KIF23: variants seen among roughly 807,000 people sequenced by gnomAD.
KIF23 encodes kinesin family member 23.
KIF23 carries 30 observed loss-of-function variants against 137.5 expected under a neutral mutation model. The observed-to-expected ratio is 0.22, with a 90% CI of 0.16 to 0.30. The LOEUF is 0.30. Ranked by LOEUF, KIF23 falls within the 10% of genes least tolerant of loss-of-function variation. The pLI, the probability that KIF23 is intolerant of heterozygous loss-of-function variation, is 1.00. For missense variants in KIF23, 920 were observed against 1,194.3 expected (o/e 0.77, Z 3.38); for synonymous variants, 367 against 391.1 (o/e 0.94, Z 0.73).
At chr15:69,417,636 A>G in intron 3 of KIF23, 125 bp downstream of exon 3, 2 of 1,025,166 alleles carry the variant, frequency 2.0e-6, no homozygotes, top group South Asian at 1.6e-5. Flanking sequence ...TTACTTCATT[A>G]TAACCACTGT....
intron 3 of KIF23, 85 bp from the exon 4 acceptor site, chr15:69,421,562 A>C: frequency 1.2e-6 from 1 of 830,378 alleles, no homozygotes; most frequent in Non-Finnish European, 2.0e-6. Flanking sequence ...CTTAAATGTC[A>C]TAAACACCTT....
intron 18 of KIF23, 62 bp downstream of exon 18, chr15:69,440,549 CTA>C: frequency 5.7e-6 from 8 of 1,411,158 alleles, no homozygotes; most frequent in Non-Finnish European, 7.7e-6. Context: ...GATTAGATGA[CTA>C]TTTCTATGAG....
intron 3 of KIF23, among the ~76,000 whole-genome samples, chr15:69,419,645 T>G (rs1285553165): frequency 6.6e-6 from 1 of 152,222 alleles, no homozygotes; most frequent in Non-Finnish European, 1.5e-5. Context: ...TTTACATTAC[T>G]TAACCACAAT....
intron 1 of KIF23, 143 bp downstream of exon 1, chr15:69,414,619 C>T: frequency 1.1e-6 from 1 of 942,182 alleles, no homozygotes; most frequent in Non-Finnish European, 1.4e-6. Flanking sequence ...GGCCGCGACC[C>T]CAAAGTGGGA....
At chr15:69,438,811 A>C (rs2057543721) in intron 16 of KIF23, among the ~76,000 whole-genome samples, 1 of 151,920 alleles carries the variant, frequency 6.6e-6, no homozygotes, top group Non-Finnish European at 1.5e-5. Context: ...CAAAAAAAAA[A>C]AGAGTTCTCA....
In KIF23 at chr15:69,417,379, T is replaced by C; in HGVS notation, c.82-4T>C. ...CTTCTTAAAGCACCTTCCTATTTCTTCAGGTATACTGTAGGGTGCGCCCAC... is the reference window on the plus strand; with the variant it reads ...CTTCTTAAAGCACCTTCCTATTTCTCCAGGTATACTGTAGGGTGCGCCCAC... On this transcript the variant is annotated splice_polypyrimidine_tract_variant and splice_region_variant and intron_variant, in intron 2 of 23. Coordinates refer to ENST00000679126, the MANE Select transcript of KIF23 (RefSeq NM_001367805.3). 6.4e-7 allele frequency: 1 copy of C among 1,569,528 alleles called. No individual in the cohort carries two copies. The highest frequency in any genetic ancestry group is 2.3e-5 in the East Asian group (1 of 43,670).
chr15:69,426,041 G>A, intron 8 of KIF23, 29 bp from the exon 9 acceptor site: 1 of 1,394,266 alleles, frequency 7.2e-7, no homozygotes, highest in Non-Finnish European at 9.7e-7. Context: ...CATAATTTAG[G>A]AGACTAATCT....
At chr15:69,429,883 G>A (rs147775271) in intron 11 of KIF23, among the ~76,000 whole-genome samples, 322 of 152,162 alleles carry the variant, frequency 2.1e-3, no homozygotes, top group African/African-American at 7.1e-3. Context: ...TTAGCTGGGC[G>A]TGGTGCGTCT....
rs775044051 is a variant in KIF23 at position 69,417,435 on chromosome 15, A to T, written c.134A>T (p.Glu45Val). 1.1e-5 allele frequency: 18 copies of T among 1,613,918 alleles called. No homozygotes were observed. The highest frequency in any genetic ancestry group is 1.7e-4 in the Middle Eastern group (1 of 6,056). Residue 45 changes from glutamate (E) to valine (V), a missense_variant, in exon 3 of 24, where the codon GAA (glutamate) becomes GTA (valine). Transcript: ENST00000679126. ...LGFPDQECCI[E>V]VINNTTVQLH... The stretch of plus-strand genomic sequence containing the variant: ...TTTCCTGATCAAGAGTGTTGCATAG[A>T]AGTGATCAATAATACAACTGTTCAG...
In KIF23 at chr15:69,440,023, A is replaced by G; in HGVS notation, c.1875A>G (p.Glu625=). The change falls in exon 17 of 24, where the codon GAA becomes GAG. Residue 625 remains glutamate (E), a synonymous_variant. Transcript: ENST00000679126. ...QRQFSDKRRL[E]ARLQGMVTET... ...AGTTTTCTGACAAACGCAGATTAGAAGCCAGGTTGCAAGGCATGGTGACAG... is the reference window on the plus strand; with the variant it reads ...AGTTTTCTGACAAACGCAGATTAGAGGCCAGGTTGCAAGGCATGGTGACAG... 1.2e-6 allele frequency: 2 copies of G among 1,614,068 alleles called. No homozygotes were observed. Among genetic ancestry groups the G allele is most frequent in the Non-Finnish European group, 1.7e-6 (2 of 1,180,026 alleles).
intron 7 of KIF23, among the ~76,000 whole-genome samples, chr15:69,423,720 G>A (rs747401874): frequency 2.0e-5 from 3 of 152,184 alleles, no homozygotes; most frequent in Admixed American, 6.5e-5. Flanking sequence ...GATTTCTACA[G>A]ACTGGAGCCT....
chr15:69,428,589 G>C (rs533446682), intron 10 of KIF23, among the ~76,000 whole-genome samples: 1 of 149,850 alleles, frequency 6.7e-6, no homozygotes, highest in African/African-American at 2.5e-5. Flanking sequence ...GAACCCAGGA[G>C]GGGGAGGTTG....
chr15:69,428,616 C>T (rs897813226), intron 10 of KIF23, among the ~76,000 whole-genome samples: 110 of 124,066 alleles, frequency 8.9e-4, no homozygotes, highest in Admixed American at 5.3e-3. Context: ...GCAGAGATGG[C>T]GCCACTGCAA....
rs1294391841 is a variant in KIF23 at position 69,436,202 on chromosome 15, T to C, written c.1379T>C (p.Ile460Thr). The change falls in exon 14 of 24, where the codon ATA (isoleucine) becomes ACA (threonine). Residue 460 changes from isoleucine (I) to threonine (T), a missense_variant. This residue lies in a region of KIF23 where 714 missense variants were observed against 866.2 expected (regional missense o/e 0.82). Coordinates refer to ENST00000679126, the MANE Select transcript of KIF23 (RefSeq NM_001367805.3). Reference sequence around the variant, plus strand: ...GTAGCAAGACCTGTAGACAAGGCAATATGTGGTTTAACGCCTGGGAGGAGA... The same window carrying C: ...GTAGCAAGACCTGTAGACAAGGCAACATGTGGTTTAACGCCTGGGAGGAGA... ...VEVARPVDKA[I>T]CGLTPGRRYR... The C allele has an allele frequency of 6.2e-7, 1 of 1,613,968 alleles. No homozygotes were observed. Among genetic ancestry groups the C allele is most frequent in the Non-Finnish European group, 8.5e-7 (1 of 1,179,952 alleles).
At chr15:69,445,131 G>T in intron 20 of KIF23, 90 bp downstream of exon 20, 1 of 1,210,388 alleles carries the variant, frequency 8.3e-7, no homozygotes, top group Admixed American at 2.5e-5. Flanking sequence ...TGACACACAG[G>T]TAGTGTCAAC....
chr15:69,414,955 T>C (rs2140301599), intron 1 of KIF23: 1 of 156,770 alleles, frequency 6.4e-6, no homozygotes, highest in Middle Eastern at 3.1e-3. Flanking sequence ...CTGGCACCGG[T>C]GATCGCCGCT....
chr15:69,425,011 T>C (rs1160483121), intron 7 of KIF23, among the ~76,000 whole-genome samples: 1 of 152,246 alleles, frequency 6.6e-6, no homozygotes, highest in African/African-American at 2.4e-5. Flanking sequence ...AAAAGTACCT[T>C]GTGTGCTTTG....
intron 11 of KIF23, chr15:69,434,888 G>T (rs2057437499): frequency 1.4e-6 from 1 of 725,570 alleles, no homozygotes; most frequent in Non-Finnish European, 2.4e-6. Flanking sequence ...GGCCATGCTT[G>T]CCCATCACCA....
chr15:69,417,297 T>G, intron 2 of KIF23, 86 bp from the exon 3 acceptor site: 1 of 1,203,252 alleles, frequency 8.3e-7, no homozygotes, highest in Non-Finnish European at 1.1e-6. Flanking sequence ...GAATGTTTGT[T>G]GAATGAATGA....
Sources: gnomAD v4.1 joint callset for allele counts (sites outside exome capture counted in the v4.1 genomes callset) on GRCh38, gnomAD v4.1.1 for gene constraint, gnomAD v4.1.1 regional missense constraint, MANE v1.5 for transcripts, NCBI Gene and HGNC (gene_info 2026-07-23, HGNC 2026-07-21) for gene names.